OPCML: variants seen among roughly 807,000 people sequenced by gnomAD.
The protein encoded by OPCML is opioid binding protein/cell adhesion molecule like.
In OPCML, 13 loss-of-function variants were observed where a neutral mutation model predicts 37.8. The ratio of observed to expected loss-of-function variants is 0.34; its 90% confidence interval spans 0.22 to 0.55. The LOEUF is 0.55. Among genes scored for constraint, OPCML ranks in the 20% least tolerant of loss-of-function variants. The probability of loss-of-function intolerance (pLI) is 0.91; values close to 1 mark genes in which losing one functional copy is unlikely to be tolerated. For synonymous variants in OPCML, 176 were observed against 168.8 expected, an observed-to-expected ratio of 1.04 and a Z score of -0.33; for missense variants, 341 against 435.6, an observed-to-expected ratio of 0.78 and a Z score of 1.93.
chr11:133,478,367 C>T (rs1947290045), intron 1 of OPCML, among the ~76,000 whole-genome samples: 1 of 152,170 alleles, frequency 6.6e-6, no homozygotes, highest in Admixed American at 6.5e-5. Flanking sequence ...AGAGGTTTGA[C>T]TCCGAGTAAG....
At chr11:133,153,029 T>C (rs991168993) in intron 1 of OPCML, among the ~76,000 whole-genome samples, 5 of 152,132 alleles carry the variant, frequency 3.3e-5, no homozygotes, top group African/African-American at 1.2e-4. Context: ...ACCTTCTCCC[T>C]GGGGTCCCTG....
At chr11:133,260,033 T>G (rs1941441654) in intron 1 of OPCML, among the ~76,000 whole-genome samples, 1 of 151,632 alleles carries the variant, frequency 6.6e-6, no homozygotes, top group African/African-American at 2.4e-5. Context: ...GAAAGGGAGA[T>G]GGGGAGTTCT....
intron 1 of OPCML, among the ~76,000 whole-genome samples, chr11:133,276,947 G>A (rs190638131): frequency 2.0e-4 from 31 of 152,284 alleles, no homozygotes; most frequent in Non-Finnish European, 3.2e-4. Flanking sequence ...TTCAGACATA[G>A]TTCCAATAGT....
intron 1 of OPCML, among the ~76,000 whole-genome samples, chr11:133,497,958 G>C (rs766792775): frequency 1.6e-4 from 25 of 152,204 alleles, no homozygotes; most frequent in Non-Finnish European, 2.6e-4. Context: ...CACGGACCAG[G>C]GCACCAGGGT....
chr11:133,005,286 G>A (rs1947087867), intron 1 of OPCML: 3 of 985,252 alleles, frequency 3.0e-6, no homozygotes, highest in Non-Finnish European at 3.6e-6. Flanking sequence ...TAGCCAGAAT[G>A]AATGAATGAA....
At chr11:132,458,732 G>A (rs774930353) in intron 4 of OPCML, among the ~76,000 whole-genome samples, 19 of 152,068 alleles carry the variant, frequency 1.2e-4, no homozygotes, top group South Asian at 6.2e-4. Flanking sequence ...CCAACATAAA[G>A]ATCAGTAAAG....
intron 3 of OPCML, among the ~76,000 whole-genome samples, chr11:132,626,861 T>C (rs1015274076): frequency 2.1e-5 from 3 of 140,976 alleles, no homozygotes; most frequent in Admixed American, 6.9e-5. Flanking sequence ...TGTGTGTCTA[T>C]ATATATAGAC....
At chr11:132,442,243 A>G (rs2096038444) in intron 4 of OPCML, among the ~76,000 whole-genome samples, 1 of 152,218 alleles carries the variant, frequency 6.6e-6, no homozygotes, top group African/African-American at 2.4e-5. Flanking sequence ...AGATGCCTCA[A>G]GTAAGGTGTA....
At chr11:132,922,557 C>T (rs1376726009) in intron 2 of OPCML, among the ~76,000 whole-genome samples, 1 of 152,084 alleles carries the variant, frequency 6.6e-6, no homozygotes, top group African/African-American at 2.4e-5. Context: ...TGAGAAGGGT[C>T]TGACTCCTGC....
At chr11:132,864,257 T>C (rs1296177779) in intron 2 of OPCML, among the ~76,000 whole-genome samples, 3 of 152,112 alleles carry the variant, frequency 2.0e-5, no homozygotes, top group Non-Finnish European at 2.9e-5. Flanking sequence ...ATTTTGAAGG[T>C]TCCCATGTAC....
intron 2 of OPCML, among the ~76,000 whole-genome samples, chr11:132,893,968 T>TCA (rs373432258): frequency 6.6e-6 from 1 of 152,034 alleles, no homozygotes; most frequent in East Asian, 1.9e-4. Context: ...CGTCTTTACA[T>TCA]CACACACACA....
At chr11:133,108,340 G>A (rs1425506704) in intron 1 of OPCML, among the ~76,000 whole-genome samples, 1 of 152,112 alleles carries the variant, frequency 6.6e-6, no homozygotes, top group African/African-American at 2.4e-5. Flanking sequence ...AGGATTCAAA[G>A]TGCACAGATA....
intron 1 of OPCML, chr11:133,025,252 C>A: frequency 1.3e-6 from 1 of 795,060 alleles, no homozygotes; most frequent in Non-Finnish European, 1.5e-6. Context: ...AAATATACAC[C>A]ATCTCTTCTC....
At chr11:132,477,022 T>C (rs569008594) in intron 4 of OPCML, among the ~76,000 whole-genome samples, 9 of 152,282 alleles carry the variant, frequency 5.9e-5, no homozygotes, top group Middle Eastern at 3.4e-3. Flanking sequence ...AATAGGTAAA[T>C]TGACCACTTA....
intron 1 of OPCML, among the ~76,000 whole-genome samples, chr11:132,964,516 G>A (rs1946169972): frequency 6.6e-6 from 1 of 152,168 alleles, no homozygotes; most frequent in Non-Finnish European, 1.5e-5. Context: ...GCCCTACTTG[G>A]CTAGGAAGTG....
chr11:132,865,993 A>T (rs1253505053), intron 2 of OPCML, among the ~76,000 whole-genome samples: 1 of 151,946 alleles, frequency 6.6e-6, no homozygotes, highest in Non-Finnish European at 1.5e-5. Context: ...ATTTCACTTC[A>T]TCTGTGACTC....
rs1457064560 is a variant in OPCML, at chr11:132,437,279, T to G, written c.586A>C (p.Ser196Arg). Residue 196 changes from serine (S) to arginine (R), a missense_variant, in exon 5 of 8, where the codon AGC becomes CGC. By Grantham distance (110) the Ser-to-Arg change is moderately radical (BLOSUM62 -1). Transcript: ENST00000524381. ...KRDQSGEYEC[S>R]ALNDVAAPDV... The stretch of plus-strand genomic sequence containing the variant: ...GGCGCAGCGACATCGTTCAACGCGC[T>G]GCATTCGTACTCCCCGGACTGGTCT... 1.2e-6 allele frequency: 2 copies of G among 1,614,144 alleles called. No homozygotes were observed. The highest frequency in any genetic ancestry group is 2.7e-5 in the African/African-American group (2 of 74,954).
rs562385951 is a variant in OPCML, at chr11:133,318,057, C to T, written c.61+214207G>A. On this transcript the variant is annotated intron_variant, in intron 1 of 7. Transcript: ENST00000524381. ...AAGCACAGAGAGGTTGGGTTACTTG[C>T]CAACGACAAAAACCCAGGGAAACAA... Among the ~76,000 whole-genome samples, 196 of 152,282 alleles carry T rather than the reference C, an allele frequency of 1.3e-3. 1 individual carries two copies. The highest frequency in any genetic ancestry group is 1.8e-3 in the Non-Finnish European group (125 of 68,018).
chr11:133,070,825 G>T (rs576870941), intron 1 of OPCML, among the ~76,000 whole-genome samples: 1 of 152,188 alleles, frequency 6.6e-6, no homozygotes, highest in African/African-American at 2.4e-5. Context: ...GGGGTCAAGC[G>T]ATGTTGGTTC....
Sources: allele counts gnomAD v4.1 joint callset (sites outside exome capture counted in the v4.1 genomes callset), GRCh38; gene constraint gnomAD v4.1.1; transcripts MANE v1.5; gene names NCBI Gene and HGNC (gene_info 2026-07-23, HGNC 2026-07-21).